FHIT: variants seen among roughly 807,000 people sequenced by gnomAD.
FHIT encodes fragile histidine triad diadenosine triphosphatase, also known as bis(5'-adenosyl)-triphosphatase.
In FHIT, 19 loss-of-function variants were observed where a neutral mutation model predicts 17.9. That is an observed-to-expected ratio of 1.06 (90% confidence interval 0.74 to 1.56). FHIT has a LOEUF of 1.56. FHIT is among the 40% of genes most tolerant of loss of function. The pLI, the probability that FHIT is intolerant of heterozygous loss-of-function variation, is 0.00. For synonymous variants in FHIT, 81 were observed against 69.7 expected, an observed-to-expected ratio of 1.16 and a Z score of -0.81; for missense variants, 248 against 189.2, an observed-to-expected ratio of 1.31 and a Z score of -1.82.
intron 4 of FHIT, among the ~76,000 whole-genome samples, chr3:60,541,511 T>C (rs927791905): frequency 6.6e-6 from 1 of 152,160 alleles, no homozygotes; most frequent in African/African-American, 2.4e-5. Context: ...ACTACCTGGT[T>C]CTAGGGATGG....
chr3:60,221,151 A>C (rs2107533355), intron 5 of FHIT, among the ~76,000 whole-genome samples: 1 of 152,314 alleles, frequency 6.6e-6, no homozygotes, highest in South Asian at 2.1e-4. Flanking sequence ...CAAATGCTAA[A>C]TGGAAAGCAA....
intron 5 of FHIT, among the ~76,000 whole-genome samples, chr3:60,450,773 A>C (rs771101389): frequency 4.6e-5 from 7 of 152,148 alleles, no homozygotes; most frequent in Non-Finnish European, 1.0e-4. Context: ...TAAACCAAAA[A>C]CACCAACAAA....
intron 3 of FHIT, among the ~76,000 whole-genome samples, chr3:60,903,230 A>C (rs1451972080): frequency 2.8e-4 from 42 of 152,346 alleles, no homozygotes; most frequent in African/African-American, 9.6e-4. Flanking sequence ...ATAAGGATCA[A>C]TGCAGAACTC....
At chr3:61,225,984 T>A (rs2106848154) in intron 1 of FHIT, among the ~76,000 whole-genome samples, 1 of 152,338 alleles carries the variant, frequency 6.6e-6, no homozygotes, top group East Asian at 1.9e-4. Flanking sequence ...CAGTCAAGTG[T>A]TATTTATTTC....
chr3:60,476,587 T>A (rs989768372), intron 5 of FHIT, among the ~76,000 whole-genome samples: 8 of 152,118 alleles, frequency 5.3e-5, no homozygotes, highest in African/African-American at 1.7e-4. Flanking sequence ...AAGCTTCTCC[T>A]GAAGGTCAGC....
chr3:60,586,867 A>C (rs1006629611), intron 4 of FHIT, among the ~76,000 whole-genome samples: 6 of 152,046 alleles, frequency 3.9e-5, no homozygotes, highest in Non-Finnish European at 7.4e-5. Context: ...GAGGAGAAAG[A>C]GGAGCAAAAA....
intron 5 of FHIT, among the ~76,000 whole-genome samples, chr3:60,196,719 A>T (rs1702657212): frequency 6.6e-6 from 1 of 152,058 alleles, no homozygotes; most frequent in African/African-American, 2.4e-5. Flanking sequence ...ACAGACATAC[A>T]TATATAACAT....
At chr3:60,285,357 A>T (rs1046301374) in intron 5 of FHIT, among the ~76,000 whole-genome samples, 6 of 152,166 alleles carry the variant, frequency 3.9e-5, no homozygotes, top group African/African-American at 4.8e-5. Flanking sequence ...TGCCCCATGA[A>T]TTATCTCTCC....
chr3:60,196,049 T>G (rs932536871), intron 5 of FHIT, among the ~76,000 whole-genome samples: 3 of 152,078 alleles, frequency 2.0e-5, no homozygotes, highest in Non-Finnish European at 4.4e-5. Flanking sequence ...CGAAAAAAAC[T>G]TGAAAGTGAT....
chr3:60,776,172 C>T (rs1700212312), intron 4 of FHIT, among the ~76,000 whole-genome samples: 1 of 152,120 alleles, frequency 6.6e-6, no homozygotes, highest in Admixed American at 6.5e-5. Flanking sequence ...GTAATTGTGG[C>T]AAGGATTTGT....
chr3:59,753,514 A>G (rs753698636), intron 8 of FHIT, among the ~76,000 whole-genome samples: 1 of 152,100 alleles, frequency 6.6e-6, no homozygotes, highest in Non-Finnish European at 1.5e-5. Context: ...CATTAACTAA[A>G]TTTATTGTTC....
At chr3:61,185,860 T>C (rs996171730) in intron 2 of FHIT, among the ~76,000 whole-genome samples, 1 of 152,180 alleles carries the variant, frequency 6.6e-6, no homozygotes, top group South Asian at 2.1e-4. Context: ...AAAATGCAAA[T>C]GCATTACTTT....
chr3:61,005,489 G>A (rs2031384451), intron 3 of FHIT, among the ~76,000 whole-genome samples: 1 of 151,922 alleles, frequency 6.6e-6, no homozygotes, highest in African/African-American at 2.4e-5. Flanking sequence ...GACAAATGAT[G>A]GTGGTAATAG....
At chr3:60,714,187 C>G (rs1482723754) in intron 4 of FHIT, among the ~76,000 whole-genome samples, 1 of 152,078 alleles carries the variant, frequency 6.6e-6, no homozygotes, top group Non-Finnish European at 1.5e-5. Context: ...AAAAACCATA[C>G]GATTATCTCA....
chr3:60,124,416 C>A (rs7643359), intron 5 of FHIT, among the ~76,000 whole-genome samples: 98,135 of 151,754 alleles, frequency 0.65, 32,233 homozygotes, highest in African/African-American at 0.73. Context: ...TTCTGTTTTC[C>A]CTGATGTTTG....
At chr3:60,157,256 G>A (rs1038884015) in intron 5 of FHIT, among the ~76,000 whole-genome samples, 11 of 152,068 alleles carry the variant, frequency 7.2e-5, no homozygotes, top group South Asian at 2.1e-4. Context: ...GTGAATGATC[G>A]GTTATGTCGG....
chr3:61,179,008 C>CTTTTTTTTTTTTTT (rs778191387), intron 2 of FHIT, among the ~76,000 whole-genome samples: 3 of 127,626 alleles, frequency 2.4e-5, no homozygotes, highest in East Asian at 2.5e-4. Context: ...TTTTCTTTTT[C>CTTTTTTTTTTTTTT]TTTTTTTTTT....
Position 60,064,007 on chromosome 3 carries a change from G to A in FHIT, c.104-49855C>T, listed in dbSNP as rs529192280. On this transcript the variant is annotated intron_variant, in intron 5 of 9. Coordinates refer to ENST00000492590, the MANE Select transcript of FHIT (RefSeq NM_002012.4). ...TTTAAGTAAAGATTTTAAAGGCTCC[G>A]TGTCGTTTTGTTTAGATGTCAACAT... is the stretch of plus-strand genomic sequence containing the variant. Among the ~76,000 whole-genome samples, 13 of 152,242 alleles carry A rather than the reference G, an allele frequency of 8.5e-5. No individual in the cohort carries two copies. In the South Asian group the frequency reaches 2.5e-3, roughly 29 times the overall value.
At chr3:60,465,674 A>T (rs1292743830) in intron 5 of FHIT, among the ~76,000 whole-genome samples, 3 of 152,218 alleles carry the variant, frequency 2.0e-5, no homozygotes, top group Admixed American at 6.5e-5. Context: ...TATTCTTGGC[A>T]ACTTTGTTGA....
Sources: gnomAD v4.1 joint callset for allele counts (sites outside exome capture counted in the v4.1 genomes callset) on GRCh38, gnomAD v4.1.1 for gene constraint, MANE v1.5 for transcripts, NCBI Gene and HGNC (gene_info 2026-07-23, HGNC 2026-07-21) for gene names.